Variants in ABCC2 observed in about 807,000 individuals in gnomAD.
ABCC2 encodes the protein ATP binding cassette subfamily C member 2.
ABCC2 carries 157 observed loss-of-function variants against 173.4 expected under a neutral mutation model. The ratio of observed to expected loss-of-function variants is 0.91; its 90% CI spans 0.80 to 1.03. The LOEUF is 1.03. Among genes scored for constraint, ABCC2 ranks in the 50% least tolerant of loss-of-function variants. The pLI is 0.00. For missense variants in ABCC2, 1,822 were observed against 1,852.3 expected, an observed-to-expected ratio of 0.98 and a Z score of 0.30; for synonymous variants, 657 against 693.5, an observed-to-expected ratio of 0.95 and a Z score of 0.83.
chr10:99,814,378 C>CACGTGTGTATACACACATGTAT lies in ABCC2; in HGVS notation c.2094+1235_2094+1236insCGTGTGTATACACACATGTATA, dbSNP rs1564684750. On this transcript the variant is annotated intron_variant, in intron 16 of 31. Coordinates refer to ENST00000647814, the MANE Select transcript of ABCC2 (RefSeq NM_000392.5). ...ATGTATACACACATGTATATATACA[C>CACGTGTGTATACACACATGTAT]ATATATACATATATGGGTATATATA... Among the ~76,000 whole-genome samples the CACGTGTGTATACACACATGTAT allele has an allele frequency of 2.7e-3, 65 of 24,126 alleles. 5 individuals are homozygous for CACGTGTGTATACACACATGTAT. Among genetic ancestry groups the CACGTGTGTATACACACATGTAT allele is most frequent in the South Asian group, 0.014 (11 of 800 alleles). The allele number at this position is 24,126 out of a possible 152,430, so 15.8% of individuals were successfully genotyped here.
chr10:99,807,725 G>T (rs1435467092), intron 12 of ABCC2, among the ~76,000 whole-genome samples: 6 of 152,194 alleles, frequency 3.9e-5, no homozygotes, highest in Non-Finnish European at 7.3e-5. Flanking sequence ...TGTACTGTAC[G>T]ATGGTCTGGC....
intron 2 of ABCC2, among the ~76,000 whole-genome samples, chr10:99,790,428 T>A (rs1301223319): frequency 6.6e-6 from 1 of 152,224 alleles, no homozygotes; most frequent in Non-Finnish European, 1.5e-5. Context: ...GTAGAAGTTC[T>A]TTATAAAGTT....
At chr10:99,832,191 G>A (rs1343633346) in intron 23 of ABCC2, 60 bp downstream of exon 23, 4 of 1,601,794 alleles carry the variant, frequency 2.5e-6, no homozygotes, top group Non-Finnish European at 3.4e-6. Flanking sequence ...TTCTGATAGG[G>A]AGGAATTATT....
intron 3 of ABCC2, among the ~76,000 whole-genome samples, 170 bp from the exon 4 acceptor site, chr10:99,793,381 T>C (rs139729829): frequency 2.0e-4 from 31 of 152,294 alleles, no homozygotes; most frequent in Non-Finnish European, 4.0e-4. Flanking sequence ...CTGGATGGCA[T>C]GGGGGTGACA....
At position 99,836,118 on chromosome 10, in the gene ABCC2, C is replaced by A. The variant is rs757405951; in HGVS notation, c.3442C>A (p.Leu1148Met). 6.8e-6 allele frequency: 11 copies of A among 1,614,048 alleles called. No individual in the cohort carries two copies. The highest frequency in any genetic ancestry group is 9.3e-6 in the Non-Finnish European group (11 of 1,180,042). ...QMFYVSTSRQ[L>M]RRLDSVTRSP... ...GTTTTATGTGTCTACCTCCCGCCAG[C>A]TGAGGCGTCTGGACTCTGTCACCAG... The change falls in exon 25 of 32, where the codon CTG becomes ATG. Residue 1148 changes from leucine to methionine, a missense_variant. Leu to Met is a conservative substitution (Grantham distance 15). Coordinates refer to ENST00000647814, the MANE Select transcript of ABCC2 (RefSeq NM_000392.5).
chr10:99,835,983 A>C lies in ABCC2; in HGVS notation c.3415-108A>C, dbSNP rs924504845. On this transcript the variant is annotated intron_variant, in intron 24 of 31. Transcript: ENST00000647814. ...GCAGGCTTTTGTCTTGTTCAGACGT[A>C]AGCTGTGCCCATCAAGGGGAAGAAT... The C allele has an allele frequency of 9.1e-6, 10 of 1,093,354 alleles. No individual in the cohort carries two copies. In the African/African-American group the frequency reaches 1.4e-4, roughly 15 times the overall value. The allele number at this position is 1,093,354 out of a possible 1,614,324, so 67.7% of individuals were successfully genotyped here. A position where few individuals can be genotyped will look rare whatever the true frequency, so the allele number is the denominator to read the frequency against.
intron 25 of ABCC2, among the ~76,000 whole-genome samples, chr10:99,836,895 A>C (rs2038832320): frequency 6.6e-6 from 1 of 152,192 alleles, no homozygotes; most frequent in Non-Finnish European, 1.5e-5. Flanking sequence ...TTTCAGGAAG[A>C]AAAATTCTTG....
chr10:99,793,864 T>C, intron 4 of ABCC2, 28 bp from the exon 5 acceptor site: 1 of 1,597,436 alleles, frequency 6.3e-7, no homozygotes, highest in Non-Finnish European at 8.6e-7. Flanking sequence ...AAAAGGCTCA[T>C]TTTTCCTCTT....
At chr10:99,825,251 T>G (rs1047680914) in intron 19 of ABCC2, among the ~76,000 whole-genome samples, 1 of 152,188 alleles carries the variant, frequency 6.6e-6, no homozygotes, top group Admixed American at 6.5e-5. Context: ...AACAGTACTT[T>G]CTTGATTATC....
At chr10:99,814,257 ACACACGTATG>A (rs1564684086) in intron 16 of ABCC2, among the ~76,000 whole-genome samples, 545 of 45,860 alleles carry the variant, frequency 0.012, 113 homozygotes, top group African/African-American at 0.05. Flanking sequence ...ACGTATGTAT[ACACACGTATG>A]TATACACACG....
intron 24 of ABCC2, 94 bp from the exon 25 acceptor site, chr10:99,835,997 A>T: frequency 1.6e-6 from 2 of 1,266,916 alleles, no homozygotes. Context: ...TGTGCCCATC[A>T]AGGGGAAGAA....
chr10:99,799,908 G>A lies in ABCC2; in HGVS notation c.1032-478G>A, dbSNP rs148467240. Among the ~76,000 whole-genome samples, 97 of 152,290 alleles carry A rather than the reference G, an allele frequency of 6.4e-4. 1 individual carries two copies. The East Asian group carries it at 0.01, about 16-fold the overall frequency. On this transcript the variant is annotated intron_variant, in intron 8 of 31. Transcript: ENST00000647814. Reference sequence around the variant, plus strand: ...TCTTGCTGCTCATCTCCAAGTAAAAGCCAGAACGCCAGGCTGGACATGGTG... The same window carrying A: ...TCTTGCTGCTCATCTCCAAGTAAAAACCAGAACGCCAGGCTGGACATGGTG...
rs1315524329 is a variant in ABCC2 at position 99,814,602 on chromosome 10, CAT to C, written c.2094+1461_2094+1462del. Among the ~76,000 whole-genome samples, 23 of 83,432 alleles carry C rather than the reference CAT, an allele frequency of 2.8e-4. 2 individuals are homozygous for C. Among genetic ancestry groups the C allele is most frequent in the African/African-American group, 4.4e-4 (8 of 18,230 alleles). 54.7% of individuals were successfully genotyped at this position (83,432 alleles called of 152,430 possible). ...ATGTGTATATACACATATACACACA[CAT>C]ATGTGTATATACACATATACACACA... On this transcript the variant is annotated intron_variant, in intron 16 of 31. Coordinates refer to ENST00000647814, the MANE Select transcript of ABCC2 (RefSeq NM_000392.5).
At chr10:99,848,830 G>A (rs771253305) in intron 30 of ABCC2, among the ~76,000 whole-genome samples, 8 of 152,104 alleles carry the variant, frequency 5.3e-5, no homozygotes, top group South Asian at 2.1e-4. Flanking sequence ...AGAGAACATC[G>A]TCAGTTTACT....
At chr10:99,836,789 AG>A (rs2038830792) in intron 25 of ABCC2, among the ~76,000 whole-genome samples, 2 of 152,318 alleles carry the variant, frequency 1.3e-5, no homozygotes, top group African/African-American at 4.8e-5. Flanking sequence ...CATTGATGAC[AG>A]AAAGGGAAGC....
In ABCC2 at chr10:99,804,375, C is replaced by T. The variant is rs1372989635; in HGVS notation, c.1464+102C>T. ...TAATGGGAGTTTGGGCAAGGCAAAG[C>T]TGGTGGAAGACTTTCTACCATCTCA... On this transcript the variant is annotated intron_variant, in intron 10 of 31. Coordinates refer to ENST00000647814, the MANE Select transcript of ABCC2 (RefSeq NM_000392.5). 2.4e-5 allele frequency: 36 copies of T among 1,491,146 alleles called. No individual in the cohort carries two copies. The Admixed American group carries it at 6.3e-4, about 26-fold the overall frequency. 92.4% of individuals were successfully genotyped at this position (1,491,146 alleles called of 1,614,324 possible).
chr10:99,843,699 G>A, intron 26 of ABCC2, 100 bp from the exon 27 acceptor site: 2 of 959,838 alleles, frequency 2.1e-6, no homozygotes, highest in Non-Finnish European at 3.4e-6. Context: ...GTCCAGCACA[G>A]TGCTGGGTAC....
chr10:99,793,472 A>T, intron 3 of ABCC2, 79 bp from the exon 4 acceptor site: 1 of 1,593,538 alleles, frequency 6.3e-7, no homozygotes, highest in Admixed American at 1.7e-5. Flanking sequence ...CTTTCTTCCC[A>T]TGTTCTCTGA....
intron 2 of ABCC2, among the ~76,000 whole-genome samples, chr10:99,787,279 A>G (rs1193046503): frequency 1.3e-5 from 2 of 152,122 alleles, no homozygotes; most frequent in African/African-American, 4.8e-5. Flanking sequence ...CCTTATCCTT[A>G]GCAACCGCTA....
Sources: gnomAD v4.1 joint callset for allele counts (sites outside exome capture counted in the v4.1 genomes callset) on GRCh38, gnomAD v4.1.1 for gene constraint, MANE v1.5 for transcripts, NCBI Gene and HGNC (gene_info 2026-07-23, HGNC 2026-07-21) for gene names.